Variants in PPP1R1C observed in about 807,000 individuals in gnomAD.
PPP1R1C encodes protein phosphatase 1 regulatory subunit 1C.
PPP1R1C carries 15 observed loss-of-function variants against 17.4 expected under a neutral mutation model. The observed-to-expected ratio is 0.86, with a 90% CI of 0.58 to 1.33. PPP1R1C has a LOEUF of 1.33. PPP1R1C is among the 40% of genes most tolerant of loss of function. The probability of loss-of-function intolerance (pLI) is 0.00; values close to 1 mark genes in which losing one functional copy is unlikely to be tolerated. For synonymous variants in PPP1R1C, 35 were observed against 43.1 expected, an observed-to-expected ratio of 0.81 and a Z score of 0.73; for missense variants, 143 against 130.0, an observed-to-expected ratio of 1.10 and a Z score of -0.48.
intron 1 of PPP1R1C, among the ~76,000 whole-genome samples, chr2:181,970,111 C>T (rs1684977626): frequency 6.6e-6 from 1 of 151,644 alleles, no homozygotes; most frequent in Non-Finnish European, 1.5e-5. Context: ...CAGGATTGGT[C>T]CATGGTGTCT....
intron 4 of PPP1R1C, among the ~76,000 whole-genome samples, chr2:182,076,187 T>TTTTTC (rs1559082832): frequency 1.1e-3 from 136 of 127,878 alleles, no homozygotes; most frequent in Non-Finnish European, 1.4e-3. Context: ...TGAACTTTTT[T>TTTTTC]TTTTCTTTTC....
At chr2:182,019,690 C>T (rs1686359072) in intron 2 of PPP1R1C, among the ~76,000 whole-genome samples, 1 of 152,128 alleles carries the variant, frequency 6.6e-6, no homozygotes, top group African/African-American at 2.4e-5. Flanking sequence ...TATAACAAAT[C>T]AGTGGCAGAG....
chr2:182,107,901 G>A (rs1689299557), intron 4 of PPP1R1C, among the ~76,000 whole-genome samples: 1 of 151,690 alleles, frequency 6.6e-6, no homozygotes, highest in South Asian at 2.1e-4. Context: ...TGCTATTGTA[G>A]GTGAACGTTT....
chr2:181,972,388 G>A (rs909356920), intron 1 of PPP1R1C, among the ~76,000 whole-genome samples: 3 of 152,198 alleles, frequency 2.0e-5, no homozygotes, highest in Non-Finnish European at 4.4e-5. Flanking sequence ...AGTGAAGCCT[G>A]TGGAAAAGGT....
chr2:182,076,197 C>CTTTTT lies in PPP1R1C; in HGVS notation c.241+12443_241+12447dup, dbSNP rs1165789924. On this transcript the variant is annotated intron_variant, in intron 4 of 4. Coordinates refer to ENST00000682840, the MANE Select transcript of PPP1R1C (RefSeq NM_001080545.3). ...GATTTTGAACTTTTTTTTTTCTTTTCTTTTTTTTTTTTTTTTTTTTTTTTT... is the reference window on the plus strand; with the variant it reads ...GATTTTGAACTTTTTTTTTTCTTTTCTTTTTTTTTTTTTTTTTTTTTTTTTTTTTT... 1.7e-3 allele frequency among the ~76,000 whole-genome samples: 44 copies of CTTTTT among 25,852 alleles called. 4 individuals are homozygous for CTTTTT. Among genetic ancestry groups the CTTTTT allele is most frequent in the African/African-American group, 3.4e-3 (16 of 4,676 alleles). 17.0% of individuals were successfully genotyped at this position (25,852 alleles called of 152,430 possible).
At chr2:182,118,237 C>G (rs1017897346), downstream of PPP1R1C, among the ~76,000 whole-genome samples, 1 of 152,080 alleles carries the variant, frequency 6.6e-6, no homozygotes, top group African/African-American at 2.4e-5. Flanking sequence ...AAGAAAGATA[C>G]TTTTACCCCT....
intron 4 of PPP1R1C, among the ~76,000 whole-genome samples, chr2:182,101,199 T>A (rs373919153): frequency 5.3e-5 from 8 of 152,334 alleles, no homozygotes; most frequent in African/African-American, 1.9e-4. Flanking sequence ...ATTGGTGAAT[T>A]TCCCGAGCAG....
intron 4 of PPP1R1C, among the ~76,000 whole-genome samples, chr2:182,115,252 T>A (rs1357786260): frequency 6.6e-6 from 1 of 152,132 alleles, no homozygotes; most frequent in Non-Finnish European, 1.5e-5. Flanking sequence ...AAACCTATGA[T>A]AAATCCTAGA....
intron 4 of PPP1R1C, among the ~76,000 whole-genome samples, chr2:182,114,245 G>A (rs561078642): frequency 6.6e-6 from 1 of 152,258 alleles, no homozygotes; most frequent in South Asian, 2.1e-4. Flanking sequence ...ATTGCCCTGT[G>A]CCAAGCCTCA....
In PPP1R1C at chr2:181,969,870, G is replaced by C. The variant is rs140841108; in HGVS notation, n.112-5349G>C. On this transcript the variant is annotated intron_variant and non_coding_transcript_variant, in intron 1 of 5. Coordinates refer to the PPP1R1C transcript ENST00000464264. ...AGTTCATCAGTTCTTTCTTCTGCCTGATCAATTCTGCTGTTGAGACTCTGA... is the reference window on the plus strand; with the variant it reads ...AGTTCATCAGTTCTTTCTTCTGCCTCATCAATTCTGCTGTTGAGACTCTGA... Among the ~76,000 whole-genome samples the C allele has an allele frequency of 1.3e-5, 2 of 152,200 alleles. 1 individual carries two copies. The highest frequency in any genetic ancestry group is 3.9e-4 in the East Asian group (2 of 5,172).
intron 4 of PPP1R1C, among the ~76,000 whole-genome samples, chr2:182,107,508 C>T (rs146978685): frequency 8.9e-4 from 135 of 152,234 alleles, no homozygotes; most frequent in Middle Eastern, 6.8e-3. Flanking sequence ...AGAGACGGAA[C>T]GAAAAACAAA....
intron 1 of PPP1R1C, among the ~76,000 whole-genome samples, chr2:181,987,259 A>G (rs769593520): frequency 2.0e-5 from 3 of 151,822 alleles, no homozygotes; most frequent in Non-Finnish European, 4.4e-5. Flanking sequence ...GTAACTCTTA[A>G]AATGAAAAAA....
At chr2:181,987,151 A>G (rs2125139553) in intron 1 of PPP1R1C, among the ~76,000 whole-genome samples, 1 of 152,248 alleles carries the variant, frequency 6.6e-6, no homozygotes, top group South Asian at 2.1e-4. Context: ...TTTATTATCT[A>G]TCCTACTGAC....
At chr2:182,036,870 AT>A (rs1272846698) in intron 2 of PPP1R1C, among the ~76,000 whole-genome samples, 1 of 152,198 alleles carries the variant, frequency 6.6e-6, no homozygotes, top group African/African-American at 2.4e-5. Context: ...AGAAGCCTGG[AT>A]TTTTATCCTA....
intron 5 of PPP1R1C, among the ~76,000 whole-genome samples, chr2:182,123,503 C>T (rs1206765475): frequency 1.3e-5 from 2 of 152,192 alleles, no homozygotes; most frequent in African/African-American, 4.8e-5. Context: ...TTCACATCCT[C>T]TCCAGCATCT....
At chr2:182,112,984 T>C (rs1027572523) in intron 4 of PPP1R1C, among the ~76,000 whole-genome samples, 5 of 152,234 alleles carry the variant, frequency 3.3e-5, no homozygotes, top group African/African-American at 9.6e-5. Context: ...TTGTAACTTA[T>C]AGTACTCAAA....
rs1684777059 is a variant in PPP1R1C at position 181,961,253 on chromosome 2, CG to C, written n.111+6622del. ...ATTGGTCTCAGACACCACTTTGCGG[CG>C]GGTGGTGGTCTTTGGATGGTTTGCA... On this transcript the variant is annotated intron_variant and non_coding_transcript_variant, in intron 1 of 5. Transcript: ENST00000464264. The surrounding 1 kb of genome is among the most constrained non-coding windows in gnomAD (Gnocchi z 5.8). 1.3e-6 allele frequency: 1 copy of C among 795,966 alleles called. No homozygotes were observed. Among genetic ancestry groups the C allele is most frequent in the African/African-American group, 1.7e-5 (1 of 59,520 alleles). The allele number at this position is 795,966 out of a possible 1,614,324, so 49.3% of individuals were successfully genotyped here.
intron 4 of PPP1R1C, among the ~76,000 whole-genome samples, chr2:182,071,143 T>C (rs1387477015): frequency 1.3e-5 from 2 of 152,210 alleles, no homozygotes; most frequent in Non-Finnish European, 2.9e-5. Flanking sequence ...CCATATTTTC[T>C]TGGTATCTAT....
At chr2:182,000,378 C>G (rs1685727881) in intron 2 of PPP1R1C, among the ~76,000 whole-genome samples, 1 of 152,106 alleles carries the variant, frequency 6.6e-6, no homozygotes, top group South Asian at 2.1e-4. Context: ...CAAGTGTAAT[C>G]AATCTACATG....
Sources: allele counts gnomAD v4.1 joint callset (sites outside exome capture counted in the v4.1 genomes callset), GRCh38; gene constraint gnomAD v4.1.1; non-coding constraint Gnocchi (gnomAD v3.1); transcripts MANE v1.5; gene names NCBI Gene and HGNC (gene_info 2026-07-23, HGNC 2026-07-21).